Variants in STPG2 observed in about 807,000 individuals in gnomAD.
STPG2 encodes the protein sperm-tail PG-rich repeat-containing protein 2.
In STPG2, 56 loss-of-function variants were observed where a neutral mutation model predicts 54.2. The ratio of observed to expected loss-of-function variants is 1.03; its 90% CI spans 0.83 to 1.29. The LOEUF is 1.29. Ranked by LOEUF, STPG2 falls within the 50% of genes most tolerant of loss-of-function variation. The pLI is 0.00. For missense variants in STPG2, 596 were observed against 544.9 expected (o/e 1.09, Z -0.93); for synonymous variants, 200 against 181.8 (o/e 1.10, Z -0.81).
At chr4:97,452,829 T>C (rs1729411809) in intron 4 of STPG2, among the ~76,000 whole-genome samples, 1 of 152,166 alleles carries the variant, frequency 6.6e-6, no homozygotes, top group Admixed American at 6.5e-5. Flanking sequence ...TTCTCTCTGC[T>C]AGGAGCTGAA....
chr4:97,564,883 A>T (rs1732381685), intron 10 of STPG2, among the ~76,000 whole-genome samples: 1 of 151,942 alleles, frequency 6.6e-6, no homozygotes, highest in African/African-American at 2.4e-5. Flanking sequence ...CCTTCATTTG[A>T]ACTTTGGTGA....
intron 4 of STPG2, among the ~76,000 whole-genome samples, chr4:97,476,189 A>G (rs1034306388): frequency 6.6e-6 from 1 of 152,136 alleles, no homozygotes; most frequent in Non-Finnish European, 1.5e-5. Flanking sequence ...CATGTTTTCC[A>G]TATATGTTCA....
intron 4 of STPG2, among the ~76,000 whole-genome samples, chr4:97,448,653 C>A (rs1186457165): frequency 1.3e-5 from 2 of 152,272 alleles, no homozygotes; most frequent in East Asian, 3.9e-4. Context: ...TCATGTGAAA[C>A]TGAGTCAATT....
chr4:97,635,440 CA>C (rs1398196847), intron 10 of STPG2, among the ~76,000 whole-genome samples: 1 of 152,114 alleles, frequency 6.6e-6, no homozygotes, highest in Non-Finnish European at 1.5e-5. Flanking sequence ...AACTAACGAG[CA>C]AAATAACCAG....
intron 9 of STPG2, among the ~76,000 whole-genome samples, chr4:97,830,589 A>G (rs1191363132): frequency 6.6e-6 from 1 of 152,166 alleles, no homozygotes; most frequent in Non-Finnish European, 1.5e-5. Flanking sequence ...AAAAATGGAT[A>G]AAGAGTCAAG....
chr4:97,764,081 C>T (rs965523142), intron 9 of STPG2, among the ~76,000 whole-genome samples: 4 of 150,414 alleles, frequency 2.7e-5, no homozygotes, highest in African/African-American at 9.8e-5. Flanking sequence ...GCTTGGATCC[C>T]TCTTCAAATC....
At chr4:97,624,432 G>A (rs912212614) in intron 10 of STPG2, among the ~76,000 whole-genome samples, 5 of 152,088 alleles carry the variant, frequency 3.3e-5, no homozygotes, top group African/African-American at 1.2e-4. Flanking sequence ...CTTTTGAGAA[G>A]TATCTGTTCA....
chr4:97,679,575 T>C (rs1439486670), intron 10 of STPG2, among the ~76,000 whole-genome samples: 1 of 152,008 alleles, frequency 6.6e-6, no homozygotes, highest in Admixed American at 6.6e-5. Flanking sequence ...ATTTTGTAGG[T>C]TGCCTGTTCA....
chr4:97,798,444 C>G (rs765024620), intron 9 of STPG2, among the ~76,000 whole-genome samples: 1 of 151,882 alleles, frequency 6.6e-6, no homozygotes, highest in African/African-American at 2.4e-5. Context: ...TTATGAACCC[C>G]ATAGTCATTC....
At position 98,129,223 on chromosome 4, in the gene STPG2, T is replaced by C. The variant is rs543784053; in HGVS notation, c.223-631A>G. Among the ~76,000 whole-genome samples the C allele has an allele frequency of 8.5e-5, 13 of 152,344 alleles. 1 individual carries two copies. The South Asian group carries it at 2.7e-3, about 32-fold the overall frequency. On this transcript the variant is annotated intron_variant, in intron 2 of 10. Transcript: ENST00000295268. Reference sequence around the variant, plus strand: ...TCTTGCTTAGTAAAGCCACCATTACTAATTCTAAAAACAGGCAATCCTATT... The same window carrying C: ...TCTTGCTTAGTAAAGCCACCATTACCAATTCTAAAAACAGGCAATCCTATT...
intron 10 of STPG2, among the ~76,000 whole-genome samples, chr4:97,611,787 C>T (rs1254973130): frequency 6.6e-6 from 1 of 151,448 alleles, no homozygotes; most frequent in Non-Finnish European, 1.5e-5. Flanking sequence ...TTAATTACCT[C>T]ACAGTACAAA....
chr4:97,931,250 T>C (rs1478642151), intron 8 of STPG2, among the ~76,000 whole-genome samples: 3 of 152,234 alleles, frequency 2.0e-5, no homozygotes, highest in African/African-American at 7.2e-5. Flanking sequence ...GAAAGCTTCC[T>C]TGTCTTGTGA....
chr4:97,979,278 A>G (rs1479998349), intron 6 of STPG2, among the ~76,000 whole-genome samples: 1 of 152,086 alleles, frequency 6.6e-6, no homozygotes. Flanking sequence ...CAGCAGAACC[A>G]AGAGCCTAAA....
intron 4 of STPG2, among the ~76,000 whole-genome samples, chr4:97,457,542 C>A (rs1729559509): frequency 6.6e-6 from 1 of 152,216 alleles, no homozygotes; most frequent in Non-Finnish European, 1.5e-5. Flanking sequence ...GTTTTCACCT[C>A]ACACCCCCTA....
intron 8 of STPG2, among the ~76,000 whole-genome samples, chr4:97,877,080 A>T (rs189478935): frequency 3.6e-4 from 55 of 152,336 alleles, no homozygotes; most frequent in African/African-American, 1.3e-3. Context: ...TTAACAATTT[A>T]TCATGTTTTT....
chr4:97,908,409 T>C (rs1292349730), intron 8 of STPG2, among the ~76,000 whole-genome samples: 1 of 149,356 alleles, frequency 6.7e-6, no homozygotes, highest in African/African-American at 2.5e-5. Flanking sequence ...ACTTTTACGC[T>C]GTTGGTGGGA....
intron 10 of STPG2, among the ~76,000 whole-genome samples, chr4:97,657,588 AG>A (rs36081168): frequency 6.6e-6 from 1 of 152,174 alleles, no homozygotes; most frequent in Non-Finnish European, 1.5e-5. Flanking sequence ...GAATTCCCTT[AG>A]GGTACTTTGC....
chr4:97,626,512 T>C (rs779746958), intron 10 of STPG2, among the ~76,000 whole-genome samples: 16 of 152,140 alleles, frequency 1.1e-4, no homozygotes, highest in Non-Finnish European at 1.6e-4. Flanking sequence ...AGTTGGTAAT[T>C]AGTCTTCTTT....
At chr4:97,717,518 G>C (rs991379943) in intron 9 of STPG2, among the ~76,000 whole-genome samples, 1 of 152,110 alleles carries the variant, frequency 6.6e-6, no homozygotes, top group African/African-American at 2.4e-5. Context: ...TAAATACAAA[G>C]TCATATGGAT....
Sources: allele counts gnomAD v4.1 joint callset (sites outside exome capture counted in the v4.1 genomes callset), GRCh38; gene constraint gnomAD v4.1.1; transcripts MANE v1.5; gene names NCBI Gene and HGNC (gene_info 2026-07-23, HGNC 2026-07-21).